ZYG11B: variants seen among roughly 807,000 people sequenced by gnomAD.
ZYG11B encodes the protein protein zyg-11 homolog B.
ZYG11B carries 36 observed loss-of-function variants against 82.4 expected under a neutral mutation model. That is an observed-to-expected ratio of 0.44 (90% CI 0.33 to 0.58). The LOEUF (loss-of-function observed/expected upper bound fraction) is 0.58, where lower values mean the gene tolerates loss of function less well. Ranked by LOEUF, ZYG11B falls within the 20% of genes least tolerant of loss-of-function variation. ZYG11B has a pLI of 0.02. For missense variants in ZYG11B, 552 were observed against 895.6 expected (o/e 0.62, Z 4.90); for synonymous variants, 303 against 312.8 (o/e 0.97, Z 0.33).
intron 1 of ZYG11B, among the ~76,000 whole-genome samples, chr1:52,743,449 A>G (rs1020413418): frequency 6.6e-6 from 1 of 151,630 alleles, no homozygotes; most frequent in Non-Finnish European, 1.5e-5. Flanking sequence ...AATCGCTAAG[A>G]AAGTTACAGT....
At chr1:52,768,690 G>A (rs1397412056) in intron 2 of ZYG11B, among the ~76,000 whole-genome samples, 1 of 149,720 alleles carries the variant, frequency 6.7e-6, no homozygotes, top group African/African-American at 2.5e-5. Flanking sequence ...CGCCTCCCAA[G>A]TTCGAGTGAT....
chr1:52,784,284 G>T (rs1644894717), intron 4 of ZYG11B, among the ~76,000 whole-genome samples: 1 of 152,178 alleles, frequency 6.6e-6, no homozygotes. Flanking sequence ...GAGCCACCAT[G>T]CCTGGCCCCC....
At chr1:52,788,832 G>A (rs1054605553) in intron 5 of ZYG11B, among the ~76,000 whole-genome samples, 2 of 152,200 alleles carry the variant, frequency 1.3e-5, no homozygotes, top group Non-Finnish European at 2.9e-5. Context: ...TCCAGCTAAA[G>A]GAACAGGAGG....
intron 1 of ZYG11B, among the ~76,000 whole-genome samples, chr1:52,737,969 C>T (rs1029895122): frequency 5.9e-5 from 9 of 152,162 alleles, no homozygotes; most frequent in Admixed American, 1.3e-4. Context: ...GCACTTTTGA[C>T]CTAGGATAAA....
intron 1 of ZYG11B, among the ~76,000 whole-genome samples, chr1:52,740,445 T>C (rs1380479639): frequency 2.6e-5 from 4 of 152,190 alleles, no homozygotes; most frequent in African/African-American, 9.6e-5. Context: ...CAAAGAGTAG[T>C]TGGTGTTCTT....
intron 6 of ZYG11B, among the ~76,000 whole-genome samples, chr1:52,796,043 T>C (rs1318123137): frequency 2.0e-5 from 3 of 152,234 alleles, no homozygotes; most frequent in Non-Finnish European, 4.4e-5. Context: ...GTTATAATTC[T>C]AGAAGATGAA....
chr1:52,780,033 C>T, intron 4 of ZYG11B, 40 bp downstream of exon 4: 4 of 1,557,922 alleles, frequency 2.6e-6, no homozygotes, highest in Non-Finnish European at 3.5e-6. Flanking sequence ...TTGAAATGAT[C>T]TCCCTGGGCA....
chr1:52,764,300 T>C (rs555561175), intron 2 of ZYG11B, among the ~76,000 whole-genome samples: 5 of 151,556 alleles, frequency 3.3e-5, no homozygotes, highest in African/African-American at 1.2e-4. Context: ...ATTTTTTTTT[T>C]TTTTTTGTAT....
chr1:52,809,996 T>C (rs998556827), intron 10 of ZYG11B, among the ~76,000 whole-genome samples: 2 of 152,164 alleles, frequency 1.3e-5, no homozygotes, highest in African/African-American at 2.4e-5. Context: ...CATTGTGAAT[T>C]TTTACCTTCT....
At chr1:52,815,509 G>A (rs1049750692) in intron 12 of ZYG11B, among the ~76,000 whole-genome samples, 2 of 151,772 alleles carry the variant, frequency 1.3e-5, no homozygotes, top group African/African-American at 4.8e-5. Context: ...AGTCCAAGCT[G>A]CTTGGGAGGC....
chr1:52,764,177 G>T (rs1488415484), intron 2 of ZYG11B, among the ~76,000 whole-genome samples: 3 of 152,060 alleles, frequency 2.0e-5, no homozygotes, highest in Non-Finnish European at 2.9e-5. Context: ...AGACTGGAGT[G>T]CAATGGCACT....
At chr1:52,754,769 C>A (rs918377707) in intron 1 of ZYG11B, among the ~76,000 whole-genome samples, 1 of 152,118 alleles carries the variant, frequency 6.6e-6, no homozygotes, top group African/African-American at 2.4e-5. Context: ...ATCTAAGAAA[C>A]TTTACTGATC....
Position 52,813,739 on chromosome 1 carries a change from G to A in ZYG11B, c.1893+6G>A, listed in dbSNP as rs1645202331. The stretch of plus-strand genomic sequence containing the variant: ...ATTCTCTGCTGGATGATTTGGTAGG[G>A]TCATTCCATACCAACAAAAGACATT... On this transcript the variant is annotated splice_donor_region_variant and intron_variant, in intron 11 of 13. Transcript: ENST00000294353. 1.9e-6 allele frequency: 3 copies of A among 1,614,032 alleles called. No individual in the cohort carries two copies. Among genetic ancestry groups the A allele is most frequent in the Non-Finnish European group, 8.5e-7 (1 of 1,179,986 alleles).
At chr1:52,738,606 C>CT (rs11390068) in intron 1 of ZYG11B, among the ~76,000 whole-genome samples, 18,178 of 140,768 alleles carry the variant, frequency 0.13, 2,739 homozygotes, top group East Asian at 0.35. Flanking sequence ...TTTCTAAGGA[C>CT]TTTTTTTTTT....
chr1:52,729,642 C>T (rs1042929743), intron 1 of ZYG11B, among the ~76,000 whole-genome samples: 4 of 152,296 alleles, frequency 2.6e-5, no homozygotes, highest in Admixed American at 1.3e-4. Context: ...GAGTTCGAGA[C>T]CAGCCTGGCC....
At chr1:52,819,376 C>T (rs987145666) in intron 13 of ZYG11B, among the ~76,000 whole-genome samples, 3 of 151,952 alleles carry the variant, frequency 2.0e-5, no homozygotes, top group African/African-American at 4.8e-5. Flanking sequence ...TCCCAAATTT[C>T]TTAACAGTTG....
rs554126528 is a variant in ZYG11B at position 52,785,295 on chromosome 1, G to C, written c.1269+242G>C. 5.3e-5 allele frequency among the ~76,000 whole-genome samples: 8 copies of C among 152,262 alleles called. No individual in the cohort carries two copies. The East Asian group carries it at 1.3e-3, about 26-fold the overall frequency. On this transcript the variant is annotated intron_variant, in intron 5 of 13. Coordinates refer to ENST00000294353, the MANE Select transcript of ZYG11B (RefSeq NM_024646.3). Reference sequence around the variant, plus strand: ...AAAACTCATCTTCCTCCTAGATCTTGAGTTTGTGATCATTTCAGCAGATAG... The same window carrying C: ...AAAACTCATCTTCCTCCTAGATCTTCAGTTTGTGATCATTTCAGCAGATAG...
At chr1:52,727,925 GTCAGTT>G (rs914175222) in intron 1 of ZYG11B, among the ~76,000 whole-genome samples, 39 of 152,164 alleles carry the variant, frequency 2.6e-4, no homozygotes, top group African/African-American at 8.9e-4. Context: ...TAGGAGGTTA[GTCAGTT>G]TCTTTTTTTC....
rs1553264476 is a variant in ZYG11B at position 52,819,558 on chromosome 1, C to CGGGTGGATCACGAAGTCAGGA, written c.2045-1879_2045-1859dup. On this transcript the variant is annotated intron_variant, in intron 13 of 13. Coordinates refer to ENST00000294353, the MANE Select transcript of ZYG11B (RefSeq NM_024646.3). ...TTCCCAGCACTTTCGGAGGCCAAGG[C>CGGGTGGATCACGAAGTCAGGA]GGGTGGATCACGAAGTCAGGAGATC... Among the ~76,000 whole-genome samples, 10 of 151,992 alleles carry CGGGTGGATCACGAAGTCAGGA rather than the reference C, an allele frequency of 6.6e-5. No homozygotes were observed. The East Asian group carries it at 2.0e-3, about 30-fold the overall frequency.
Sources: allele counts gnomAD v4.1 joint callset (sites outside exome capture counted in the v4.1 genomes callset), GRCh38; gene constraint gnomAD v4.1.1; transcripts MANE v1.5; gene names NCBI Gene and HGNC (gene_info 2026-07-23, HGNC 2026-07-21).